The following HYCC1 variants were observed in gnomAD, a reference collection of about 807,000 sequenced individuals.
The protein encoded by HYCC1 is hyccin PI4KA lipid kinase complex subunit 1, also known as hyccin.
the HYCC1 span, among the ~76,000 whole-genome samples, chr7:23,001,696 T>C: frequency 6.6e-6 from 1 of 152,128 alleles, no homozygotes; most frequent in East Asian, 1.9e-4. Context: ...TTTTTCTCAG[T>C]TGGAATGAAG....
the HYCC1 span, chr7:22,940,236 GTTTTTTTTTTTTTTTTTTTTT>G: frequency 1.1e-5 from 1 of 87,174 alleles, no homozygotes; most frequent in South Asian, 4.2e-4. Flanking sequence ...AATAGGTTCT[GTTTTTTTTTTTTTTTTTTTTT>G]TTTTTTTTTT....
At chr7:22,916,131 C>A in the HYCC1 span, among the ~76,000 whole-genome samples, 3 of 152,144 alleles carry the variant, frequency 2.0e-5, no homozygotes, top group Non-Finnish European at 4.4e-5. Flanking sequence ...AGGATTAAAG[C>A]CTGTTATCGC....
the HYCC1 span, among the ~76,000 whole-genome samples, chr7:23,009,585 A>C: frequency 6.6e-6 from 1 of 152,148 alleles, no homozygotes. Flanking sequence ...CTGAGGAACA[A>C]GCCCTGGACT....
At chr7:22,960,423 G>GA in the HYCC1 span, 3 of 1,608,810 alleles carry the variant, frequency 1.9e-6, no homozygotes, top group Non-Finnish European at 2.6e-6. Flanking sequence ...AACCTAAGGA[G>GA]AAAAAATATA....
the HYCC1 span, among the ~76,000 whole-genome samples, chr7:22,915,221 A>T: frequency 6.6e-6 from 1 of 152,192 alleles, no homozygotes; most frequent in African/African-American, 2.4e-5. Context: ...CCACAACAGG[A>T]CTTAATTAAC....
chr7:22,916,810 C>T, the HYCC1 span, among the ~76,000 whole-genome samples: 1 of 152,216 alleles, frequency 6.6e-6, no homozygotes, highest in Non-Finnish European at 1.5e-5. Context: ...GCCCCCTCCA[C>T]TACCTCTCAG....
At chr7:22,942,323 G>T in the HYCC1 span, 8 of 152,128 alleles carry the variant, frequency 5.3e-5, no homozygotes, top group East Asian at 9.6e-4. Context: ...TTTAAATGCC[G>T]AGAATTCCAA....
the HYCC1 span, chr7:22,944,656 G>C: frequency 6.6e-6 from 1 of 152,206 alleles, no homozygotes; most frequent in African/African-American, 2.4e-5. Flanking sequence ...ATATTATACA[G>C]TGGTATCTTG....
the HYCC1 span, among the ~76,000 whole-genome samples, chr7:22,931,270 A>C: frequency 1.3e-5 from 2 of 151,470 alleles, no homozygotes; most frequent in African/African-American, 4.8e-5. Flanking sequence ...AAAAAAAAAA[A>C]AAACCAGCCT....
the HYCC1 span, among the ~76,000 whole-genome samples, chr7:23,012,382 G>C: frequency 6.6e-6 from 1 of 152,168 alleles, no homozygotes; most frequent in Admixed American, 6.5e-5. Context: ...ATGCCTTATC[G>C]GGTGTCTGTA....
chr7:22,935,762 C>G, the HYCC1 span: 1 of 152,146 alleles, frequency 6.6e-6, no homozygotes, highest in Non-Finnish European at 1.5e-5. Flanking sequence ...TCTCCTGCCA[C>G]AGCCTCCTGA....
the HYCC1 span, among the ~76,000 whole-genome samples, chr7:22,963,138 C>A: frequency 2.0e-3 from 309 of 152,210 alleles, 1 homozygote; most frequent in African/African-American, 7.1e-3. Context: ...TACTGCTAAA[C>A]AAAATCATGA....
At chr7:22,949,191 G>A in the HYCC1 span, among the ~76,000 whole-genome samples, 7 of 151,982 alleles carry the variant, frequency 4.6e-5, no homozygotes, top group African/African-American at 1.4e-4. Flanking sequence ...GCCCTAAGTC[G>A]CTTTCTTGAA....
At chr7:22,968,823 T>C in the HYCC1 span, among the ~76,000 whole-genome samples, 1 of 151,998 alleles carries the variant, frequency 6.6e-6, no homozygotes, top group African/African-American at 2.4e-5. Flanking sequence ...CCATTTCTAC[T>C]AAAAATACAA....
the HYCC1 span, among the ~76,000 whole-genome samples, chr7:23,011,620 C>A: frequency 6.6e-6 from 1 of 152,228 alleles, no homozygotes; most frequent in African/African-American, 2.4e-5. Context: ...ATTCCCTGAT[C>A]TGGCCCTCTA....
the HYCC1 span, among the ~76,000 whole-genome samples, chr7:22,983,092 G>C: frequency 1.4e-3 from 214 of 152,236 alleles, 1 homozygote; most frequent in African/African-American, 4.9e-3. Context: ...ACTTTGGGAG[G>C]CTGAGGTGGA....
At chr7:22,948,276 T>A in the HYCC1 span, among the ~76,000 whole-genome samples, 1 of 152,088 alleles carries the variant, frequency 6.6e-6, no homozygotes, top group Non-Finnish European at 1.5e-5. Context: ...CATCACCTAC[T>A]ATTTTCAAAT....
At chr7:22,923,210 T>C in the HYCC1 span, among the ~76,000 whole-genome samples, 509 of 152,274 alleles carry the variant, frequency 3.3e-3, 3 homozygotes, top group South Asian at 6.2e-3. Context: ...ATACAAAGTA[T>C]GCTCTCCAAC....
chr7:22,926,680 A>G, the HYCC1 span, among the ~76,000 whole-genome samples: 531 of 151,698 alleles, frequency 3.5e-3, 3 homozygotes, highest in Non-Finnish European at 6.8e-3. Context: ...CAGATTCATA[A>G]AGCAAGTCCC....
Sources: gnomAD v4.1 joint callset for allele counts (sites outside exome capture counted in the v4.1 genomes callset) on GRCh38, gnomAD v4.1.1 for gene constraint, MANE v1.5 for transcripts, NCBI Gene and HGNC (gene_info 2026-07-23, HGNC 2026-07-21) for gene names.